Variants in ITPRID1 observed in about 807,000 individuals in gnomAD.
ITPRID1 encodes ITPR interacting domain containing 1, also known as protein ITPRID1.
Under a neutral mutation model 95.4 loss-of-function variants are expected in ITPRID1, and 96 were observed. The observed-to-expected ratio is 1.01, with a 90% CI of 0.85 to 1.19. ITPRID1 has a LOEUF of 1.19. Among genes scored for constraint, ITPRID1 ranks in the 50% most tolerant of loss-of-function variants. The pLI, the probability that ITPRID1 is intolerant of heterozygous loss-of-function variation, is 0.00. For missense variants in ITPRID1, 1,339 were observed against 1,252.9 expected (o/e 1.07, Z -1.04); for synonymous variants, 510 against 453.6 (o/e 1.12, Z -1.58).
Position 31,652,730 on chromosome 7 carries a change from C to G in ITPRID1, c.3036C>G (p.Ser1012Arg), listed in dbSNP as rs1229209314. 1 of 1,613,930 alleles carries G rather than the reference C, an allele frequency of 6.2e-7. No individual in the cohort carries two copies. The highest frequency in any genetic ancestry group is 1.1e-5 in the South Asian group (1 of 91,080). ...TCACTCCACCCACCTTGGAGAACAG[C>G]ACCAGGATGTCTCCTTCATCATCAG... Reference protein sequence around the residue: ...AAFTPPTLENSTRMSPSSSAW... With the variant: ...AAFTPPTLENRTRMSPSSSAW... The change falls in exon 15 of 15, where the codon AGC becomes AGG. Residue 1012 changes from serine to arginine, a missense_variant. Ser to Arg is a moderately radical substitution (Grantham distance 110). Transcript: ENST00000615280.
chr7:31,617,861 A>G (rs997169327), intron 10 of ITPRID1, among the ~76,000 whole-genome samples: 4 of 152,230 alleles, frequency 2.6e-5, no homozygotes, highest in Non-Finnish European at 5.9e-5. Context: ...TATTAAGAAG[A>G]GAGTTACTTT....
chr7:31,618,122 C>G (rs891503329), intron 10 of ITPRID1, among the ~76,000 whole-genome samples: 3 of 152,182 alleles, frequency 2.0e-5, no homozygotes, highest in Admixed American at 6.5e-5. Flanking sequence ...TGGTGCCCAT[C>G]ATTGTGATAG....
intron 1 of ITPRID1, among the ~76,000 whole-genome samples, chr7:31,518,664 C>T (rs1783124257): frequency 6.6e-6 from 1 of 152,152 alleles, no homozygotes; most frequent in African/African-American, 2.4e-5. Flanking sequence ...CACTTTATCG[C>T]ACGGGTATTT....
intron 1 of ITPRID1, among the ~76,000 whole-genome samples, chr7:31,526,575 C>T (rs979241348): frequency 1.3e-5 from 2 of 152,134 alleles, no homozygotes; most frequent in East Asian, 3.8e-4. Context: ...TGGTGGCTAT[C>T]GTTATAATCA....
intron 10 of ITPRID1, among the ~76,000 whole-genome samples, chr7:31,600,210 A>G (rs1009939728): frequency 3.3e-5 from 5 of 152,218 alleles, no homozygotes; most frequent in African/African-American, 1.2e-4. Context: ...TGGAGGTTTA[A>G]GAGTTCATAT....
chr7:31,599,412 C>A (rs1408245501), intron 10 of ITPRID1, among the ~76,000 whole-genome samples: 1 of 152,038 alleles, frequency 6.6e-6, no homozygotes, highest in African/African-American at 2.4e-5. Flanking sequence ...ATATAACCAC[C>A]ATAATCAGGA....
intron 10 of ITPRID1, among the ~76,000 whole-genome samples, chr7:31,627,566 G>A (rs1304769692): frequency 6.8e-6 from 1 of 146,610 alleles, no homozygotes; most frequent in Non-Finnish European, 1.5e-5. Context: ...GCTGAGGCAG[G>A]AGGATTGCTT....
chr7:31,644,819 GC>G (rs1287203191), intron 12 of ITPRID1, among the ~76,000 whole-genome samples: 3 of 152,194 alleles, frequency 2.0e-5, no homozygotes, highest in Non-Finnish European at 2.9e-5. Context: ...AGGTGAAGGG[GC>G]TGGCACAGAG....
At chr7:31,625,626 G>C (rs981536930) in intron 10 of ITPRID1, among the ~76,000 whole-genome samples, 2 of 152,026 alleles carry the variant, frequency 1.3e-5, no homozygotes, top group Non-Finnish European at 2.9e-5. Flanking sequence ...CTGTTGTGGG[G>C]TGGGAGGAGG....
chr7:31,632,766 G>A (rs1764080289), intron 10 of ITPRID1, among the ~76,000 whole-genome samples: 1 of 152,156 alleles, frequency 6.6e-6, no homozygotes. Context: ...AGGTTTTACA[G>A]CAAGCATTAA....
At chr7:31,565,586 A>C (rs1278967892) in intron 5 of ITPRID1, among the ~76,000 whole-genome samples, 2 of 152,200 alleles carry the variant, frequency 1.3e-5, no homozygotes, top group East Asian at 1.9e-4. Context: ...AAATACAAAA[A>C]AATTAGCCAG....
intron 1 of ITPRID1, among the ~76,000 whole-genome samples, chr7:31,546,995 A>G (rs1784119341): frequency 6.6e-6 from 1 of 151,892 alleles, no homozygotes; most frequent in African/African-American, 2.4e-5. Context: ...AGAAAATCTT[A>G]GAGAGGCTTA....
chr7:31,647,928 A>T (rs1024823684), intron 12 of ITPRID1, among the ~76,000 whole-genome samples: 1 of 152,056 alleles, frequency 6.6e-6, no homozygotes, highest in Non-Finnish European at 1.5e-5. Context: ...ATATAATTAA[A>T]TTTTCACATA....
chr7:31,578,292 CGGCCAAGCAGGCTCCTCCTTCCTG>C lies in ITPRID1; in HGVS notation c.1029_1052del (p.Ala344_Cys351del), dbSNP rs1562583320. On this transcript the variant is annotated inframe_deletion, in exon 9 of 15. Transcript: ENST00000615280. ...AAGCAGTGGCCTTGCTCATCTATGCCGGCCAAGCAGGCTCCTCCTTCCTGTGTGTCTGAGGGGTCAGTCAAGGGC... is the reference window on the plus strand; with the variant it reads ...AAGCAGTGGCCTTGCTCATCTATGCCTGTGTCTGAGGGGTCAGTCAAGGGC... 4 of 1,613,862 alleles carry C rather than the reference CGGCCAAGCAGGCTCCTCCTTCCTG, an allele frequency of 2.5e-6. No homozygotes were observed. Among genetic ancestry groups the C allele is most frequent in the Non-Finnish European group, 3.4e-6 (4 of 1,179,822 alleles).
chr7:31,586,099 T>C (rs1303622971), intron 10 of ITPRID1, among the ~76,000 whole-genome samples: 18 of 141,872 alleles, frequency 1.3e-4, no homozygotes, highest in Non-Finnish European at 2.4e-4. Flanking sequence ...GTTTGGTTTT[T>C]TGTTCTTGCG....
Position 31,652,447 on chromosome 7 carries a change from C to T in ITPRID1, c.2824-71C>T, listed in dbSNP as rs951444449. The T allele has an allele frequency of 3.3e-6, 5 of 1,499,626 alleles. No homozygotes were observed. The African/African-American group carries it at 4.2e-5, about 13-fold the overall frequency. 92.9% of individuals were successfully genotyped at this position (1,499,626 alleles called of 1,614,324 possible). ...CGACCACCTCATAATGCCTAGCTCA[C>T]AAGTTTGAGTAAGCTGTTTGGTGCC... On this transcript the variant is annotated intron_variant, in intron 14 of 14. Coordinates refer to ENST00000615280, the MANE Select transcript of ITPRID1 (RefSeq NM_001257967.3).
chr7:31,621,192 T>C (rs1164405371), intron 10 of ITPRID1, among the ~76,000 whole-genome samples: 1 of 152,116 alleles, frequency 6.6e-6, no homozygotes, highest in Non-Finnish European at 1.5e-5. Flanking sequence ...TGCAGGATAT[T>C]ATCCAGGAGA....
At chr7:31,596,662 C>A (rs931939481) in intron 10 of ITPRID1, among the ~76,000 whole-genome samples, 7 of 151,532 alleles carry the variant, frequency 4.6e-5, no homozygotes, top group African/African-American at 1.2e-4. Context: ...CCCTATCATC[C>A]TTTACCAACA....
intron 10 of ITPRID1, among the ~76,000 whole-genome samples, chr7:31,611,583 A>G (rs1040122454): frequency 3.0e-4 from 45 of 151,452 alleles, no homozygotes; most frequent in Non-Finnish European, 5.9e-4. Context: ...TATATCCTGT[A>G]TTCTATAGAA....
Sources: allele counts gnomAD v4.1 joint callset (sites outside exome capture counted in the v4.1 genomes callset), GRCh38; gene constraint gnomAD v4.1.1; transcripts MANE v1.5; gene names NCBI Gene and HGNC (gene_info 2026-07-23, HGNC 2026-07-21).